Variants in MRPS9 observed in about 807,000 individuals in gnomAD.
The protein encoded by MRPS9 is mitochondrial ribosomal protein S9, also known as small ribosomal subunit protein uS9m.
MRPS9 carries 45 observed loss-of-function variants against 59.9 expected under a neutral mutation model. The ratio of observed to expected loss-of-function variants is 0.75; its 90% CI spans 0.59 to 0.96. The LOEUF is 0.96. MRPS9 is among the 40% of genes least tolerant of loss of function. The pLI, the probability that MRPS9 is intolerant of heterozygous loss-of-function variation, is 0.00. For missense variants in MRPS9, 473 were observed against 481.1 expected (o/e 0.98, Z 0.16); for synonymous variants, 171 against 166.8 (o/e 1.03, Z -0.19).
intron 8 of MRPS9, 47 bp from the exon 9 acceptor site, chr2:105,093,483 C>T (rs369657783): frequency 1.2e-5 from 13 of 1,117,376 alleles, no homozygotes; most frequent in African/African-American, 9.4e-5. Flanking sequence ...TGTCTCAAAG[C>T]GCAGGTCTTC....
chr2:105,062,681 T>C (rs1679929168), intron 2 of MRPS9, among the ~76,000 whole-genome samples: 1 of 152,234 alleles, frequency 6.6e-6, no homozygotes, highest in Non-Finnish European at 1.5e-5. Flanking sequence ...AGTACAGTGC[T>C]GAGTTGCATG....
intron 4 of MRPS9, among the ~76,000 whole-genome samples, chr2:105,074,826 C>T (rs1680176230): frequency 6.6e-6 from 1 of 152,126 alleles, no homozygotes; most frequent in African/African-American, 2.4e-5. Flanking sequence ...CCGGTGGTCC[C>T]CAGCCTTTTT....
chr2:105,045,705 G>T (rs1164227650), intron 1 of MRPS9, among the ~76,000 whole-genome samples: 14 of 149,276 alleles, frequency 9.4e-5, no homozygotes, highest in Admixed American at 9.3e-4. Context: ...ATAGCACATT[G>T]AATATACCGA....
intron 2 of MRPS9, among the ~76,000 whole-genome samples, chr2:105,058,553 A>T (rs997697268): frequency 2.6e-4 from 40 of 151,844 alleles, no homozygotes; most frequent in African/African-American, 9.0e-4. Context: ...GGATTACCTT[A>T]CTCCATTTCT....
At chr2:105,074,679 C>G (rs886772962) in intron 4 of MRPS9, among the ~76,000 whole-genome samples, 6 of 152,116 alleles carry the variant, frequency 3.9e-5, no homozygotes, top group African/African-American at 1.4e-4. Context: ...AATAGTTGAG[C>G]CAGAATGTAG....
intron 2 of MRPS9, among the ~76,000 whole-genome samples, chr2:105,049,993 T>C (rs943565032): frequency 6.6e-6 from 1 of 152,172 alleles, no homozygotes; most frequent in African/African-American, 2.4e-5. Flanking sequence ...ATAACATTCT[T>C]ATACGATTTT....
intron 5 of MRPS9, among the ~76,000 whole-genome samples, chr2:105,080,853 T>C (rs1680318042): frequency 6.6e-6 from 1 of 152,186 alleles, no homozygotes; most frequent in Non-Finnish European, 1.5e-5. Context: ...TGTTTATTTG[T>C]GCTCCACAAA....
chr2:105,045,281 G>T (rs1433175462), intron 1 of MRPS9, among the ~76,000 whole-genome samples: 1 of 149,956 alleles, frequency 6.7e-6, no homozygotes, highest in Non-Finnish European at 1.5e-5. Flanking sequence ...TAAAATGAGA[G>T]CAAGCTGTAT....
intron 2 of MRPS9, among the ~76,000 whole-genome samples, chr2:105,059,406 A>G (rs1184306290): frequency 6.6e-6 from 1 of 152,174 alleles, no homozygotes; most frequent in Non-Finnish European, 1.5e-5. Flanking sequence ...TGTGTTTACT[A>G]GAGGCACCAC....
intron 2 of MRPS9, among the ~76,000 whole-genome samples, chr2:105,060,828 C>T (rs1474352227): frequency 6.6e-6 from 1 of 151,454 alleles, no homozygotes; most frequent in Non-Finnish European, 1.5e-5. Context: ...AGTTAAATAT[C>T]GTGCCGGGTG....
chr2:105,056,191 T>C (rs1409772007), intron 2 of MRPS9, among the ~76,000 whole-genome samples: 1 of 51,462 alleles, frequency 1.9e-5, no homozygotes. Context: ...GATAGGTATC[T>C]TTTTTTTTTT....
chr2:105,076,610 G>A (rs1397307030), intron 4 of MRPS9, among the ~76,000 whole-genome samples: 1 of 152,166 alleles, frequency 6.6e-6, no homozygotes, highest in Non-Finnish European at 1.5e-5. Context: ...AAAAATTATT[G>A]TGTGTTTTTG....
At chr2:105,089,338 A>G (rs1191657971) in intron 6 of MRPS9, among the ~76,000 whole-genome samples, 1 of 152,212 alleles carries the variant, frequency 6.6e-6, no homozygotes, top group Non-Finnish European at 1.5e-5. Context: ...TTTTATGTAT[A>G]TAGCTGCACA....
At chr2:105,079,142 C>T (rs935115430) in intron 4 of MRPS9, among the ~76,000 whole-genome samples, 3 of 152,078 alleles carry the variant, frequency 2.0e-5, no homozygotes, top group Non-Finnish European at 4.4e-5. Flanking sequence ...ACAGATTTGA[C>T]TATTTACATA....
intron 2 of MRPS9, among the ~76,000 whole-genome samples, chr2:105,053,687 G>A (rs1343474218): frequency 6.6e-6 from 1 of 152,070 alleles, no homozygotes; most frequent in Non-Finnish European, 1.5e-5. Flanking sequence ...TTTAGTTCTG[G>A]TTCTCAAAAT....
At chr2:105,068,895 T>C (rs2104453043) in intron 2 of MRPS9, among the ~76,000 whole-genome samples, 1 of 152,346 alleles carries the variant, frequency 6.6e-6, no homozygotes, top group South Asian at 2.1e-4. Context: ...CATAAATCAG[T>C]GAATAACACG....
At chr2:105,075,697 G>T (rs551484585) in intron 4 of MRPS9, among the ~76,000 whole-genome samples, 1 of 152,062 alleles carries the variant, frequency 6.6e-6, no homozygotes, top group Non-Finnish European at 1.5e-5. Flanking sequence ...ATACCAGAGG[G>T]CCTTTTTTTC....
At chr2:105,083,155 T>A (rs891376655) in intron 5 of MRPS9, among the ~76,000 whole-genome samples, 1 of 152,158 alleles carries the variant, frequency 6.6e-6, no homozygotes, top group Admixed American at 6.5e-5. Context: ...AGAGAAAGAA[T>A]AAAGTTTCCT....
chr2:105,084,631 G>A (rs765076400), intron 5 of MRPS9, among the ~76,000 whole-genome samples: 2 of 152,132 alleles, frequency 1.3e-5, no homozygotes, highest in Non-Finnish European at 1.5e-5. Flanking sequence ...AATTAAGATA[G>A]TGACCCTTCT....
Sources: gnomAD v4.1 joint callset for allele counts (sites outside exome capture counted in the v4.1 genomes callset) on GRCh38, gnomAD v4.1.1 for gene constraint, MANE v1.5 for transcripts, NCBI Gene and HGNC (gene_info 2026-07-23, HGNC 2026-07-21) for gene names.